COL5A1: variants seen among roughly 807,000 people sequenced by gnomAD.
The protein encoded by COL5A1 is collagen type V alpha 1 chain.
In COL5A1, 16 loss-of-function variants were observed where a neutral mutation model predicts 263.7. The ratio of observed to expected loss-of-function variants is 0.06; its 90% CI spans 0.04 to 0.09. The LOEUF is 0.09. Among genes scored for constraint, COL5A1 ranks in the 10% least tolerant of loss-of-function variants. COL5A1 has a pLI of 1.00. For missense variants in COL5A1, 2,036 were observed against 2,540.5 expected (o/e 0.80, Z 4.27); for synonymous variants, 1,012 against 1,004.5 (o/e 1.01, Z -0.14).
chr9:134,679,330 A>G (rs1314708523), intron 1 of COL5A1, among the ~76,000 whole-genome samples: 18 of 52,388 alleles, frequency 3.4e-4, no homozygotes, highest in East Asian at 5.7e-4. Flanking sequence ...GGGGCACTGC[A>G]GGGCTTATTA....
intron 9 of COL5A1, among the ~76,000 whole-genome samples, chr9:134,736,753 C>G (rs1020210922): frequency 6.6e-6 from 1 of 152,228 alleles, no homozygotes; most frequent in Non-Finnish European, 1.5e-5. Context: ...AAATCCCTGT[C>G]CAGCTGTGAG....
intron 9 of COL5A1, chr9:134,732,767 A>G (rs1834945510): frequency 6.2e-6 from 1 of 161,312 alleles, no homozygotes; most frequent in South Asian, 1.7e-4. Context: ...GACTGTAGCG[A>G]GGACGTTCTA....
rs1314643177 is a variant in COL5A1, at chr9:134,789,357, C to T, written c.2700+149C>T. 6 of 706,128 alleles carry T rather than the reference C, an allele frequency of 8.5e-6. No individual in the cohort carries two copies. The East Asian group carries it at 1.3e-4, about 16-fold the overall frequency. The allele number at this position is 706,128 out of a possible 1,614,324, so 43.7% of individuals were successfully genotyped here. A position where few individuals can be genotyped will look rare whatever the true frequency, so the allele number is the denominator to read the frequency against. The stretch of plus-strand genomic sequence containing the variant: ...TGGCTGGCCTTAAGCTCTTGAACTT[C>T]AGCACCACGTGTTGGTGACACTCTC... On this transcript the variant is annotated intron_variant, in intron 32 of 65. Transcript: ENST00000371817. The surrounding 1 kb of genome is among the most constrained non-coding windows in gnomAD (Gnocchi z 4.8).
chr9:134,780,352 C>T (rs1270490340), intron 28 of COL5A1, among the ~76,000 whole-genome samples: 3 of 152,162 alleles, frequency 2.0e-5, no homozygotes, highest in African/African-American at 7.2e-5. Context: ...CCTCGGGTCC[C>T]CAGGGGCACA....
In COL5A1 at chr9:134,696,793, G is replaced by A. The variant is rs995598006; in HGVS notation, c.278-3116G>A. ...GAAGTAAAAGTGAAAAGCTCTGGCC[G>A]GGCGGGGTGGCTCACACCTGTAATC... On this transcript the variant is annotated intron_variant, in intron 2 of 65. Coordinates refer to ENST00000371817, the MANE Select transcript of COL5A1 (RefSeq NM_000093.5). This position sits in a 1 kb window ranked among gnomAD's most constrained non-coding sequence, Gnocchi z 4.3. Among the ~76,000 whole-genome samples, 2 of 152,166 alleles carry A rather than the reference G, an allele frequency of 1.3e-5. No homozygotes were observed. The highest frequency in any genetic ancestry group is 2.4e-5 in the African/African-American group (1 of 41,426).
At chr9:134,728,965 G>A (rs1834760278) in intron 6 of COL5A1, among the ~76,000 whole-genome samples, 158 bp downstream of exon 6, 2 of 152,182 alleles carry the variant, frequency 1.3e-5, no homozygotes, top group African/African-American at 4.8e-5. Flanking sequence ...GTTGCCATCC[G>A]AGCTTTGCTG....
intron 65 of COL5A1, among the ~76,000 whole-genome samples, chr9:134,840,474 G>A (rs1008366806): frequency 3.3e-5 from 5 of 152,142 alleles, no homozygotes; most frequent in Non-Finnish European, 5.9e-5. Context: ...AAAGCGTATC[G>A]GTTATCCATT....
At position 134,742,930 on chromosome 9, in the gene COL5A1, C is replaced by T. The variant is rs1013934541; in HGVS notation, c.1494+4122C>T. Among the ~76,000 whole-genome samples the T allele has an allele frequency of 6.6e-6, 1 of 152,072 alleles. No homozygotes were observed. The highest frequency in any genetic ancestry group is 1.5e-5 in the Non-Finnish European group (1 of 67,966). ...TGGGGACCATCAGTAAAGATTCAGG[C>T]CCCAGTGAGTCCCGCCTTCCATGGA... is the stretch of plus-strand genomic sequence containing the variant. On this transcript the variant is annotated intron_variant, in intron 11 of 65. Coordinates refer to ENST00000371817, the MANE Select transcript of COL5A1 (RefSeq NM_000093.5). This position sits in a 1 kb window ranked among gnomAD's most constrained non-coding sequence, Gnocchi z 4.6.
At chr9:134,708,422 GGT>G in intron 4 of COL5A1, 1 of 408,462 alleles carries the variant, frequency 2.4e-6, no homozygotes, top group Non-Finnish European at 4.8e-6. Flanking sequence ...CAACTCCCGG[GGT>G]GGGGGCTCTG....
At chr9:134,684,855 C>T (rs1350537752) in intron 1 of COL5A1, among the ~76,000 whole-genome samples, 1 of 152,228 alleles carries the variant, frequency 6.6e-6, no homozygotes, top group Non-Finnish European at 1.5e-5. Context: ...TTCACTTGCT[C>T]ATCTGTTCAC....
rs578207933 is a variant in COL5A1 at position 134,844,393 on chromosome 9, C to G, written c.*2090C>G. The G allele has an allele frequency of 6.6e-6, 1 of 152,622 alleles. No individual in the cohort carries two copies. Among genetic ancestry groups the G allele is most frequent in the Non-Finnish European group, 1.5e-5 (1 of 68,052 alleles). 9.5% of individuals were successfully genotyped at this position (152,622 alleles called of 1,614,324 possible). ...ATGTGATTCTGTTTTCATTTCTCATCCCATCCAATTTGTCCTTTTCTCCTG... is the reference window on the plus strand; with the variant it reads ...ATGTGATTCTGTTTTCATTTCTCATGCCATCCAATTTGTCCTTTTCTCCTG... On this transcript the variant is annotated 3_prime_UTR_variant, in exon 66 of 66. Coordinates refer to ENST00000371817, the MANE Select transcript of COL5A1 (RefSeq NM_000093.5).
chr9:134,776,081 C>G (rs990109852), intron 27 of COL5A1, among the ~76,000 whole-genome samples: 1 of 152,146 alleles, frequency 6.6e-6, no homozygotes, highest in African/African-American at 2.4e-5. Context: ...CCTTGTCCCC[C>G]GGAGGCCCCG....
intron 4 of COL5A1, among the ~76,000 whole-genome samples, chr9:134,726,475 T>C (rs1350734127): frequency 6.6e-6 from 1 of 151,788 alleles, no homozygotes; most frequent in South Asian, 2.1e-4. Flanking sequence ...GATGGGTGAA[T>C]GGGTTGAAGG....
intron 42 of COL5A1, among the ~76,000 whole-genome samples, chr9:134,808,362 TAAG>T (rs1219852470): frequency 6.6e-6 from 1 of 152,048 alleles, no homozygotes; most frequent in Non-Finnish European, 1.5e-5. Flanking sequence ...AGCAAGAACT[TAAG>T]AAGGATCATT....
chr9:134,802,919 A>G lies in COL5A1; in HGVS notation c.3038A>G (p.Glu1013Gly), dbSNP rs1201902790. Residue 1013 changes from glutamate to glycine, a missense_variant, in exon 39 of 66, where the codon GAG (glutamate) becomes GGG (glycine). Physicochemically the swap from Glu to Gly is moderately conservative, Grantham distance 98 (BLOSUM62 -2). Transcript: ENST00000371817. ...GPTGETGPMG[E>G]RGHPGPPGPP... ...ACGGGAGAAACGGGCCCAATGGGTGAGCGTGGCCACCCTGGGCCCCCTGGA... is the reference window on the plus strand; with the variant it reads ...ACGGGAGAAACGGGCCCAATGGGTGGGCGTGGCCACCCTGGGCCCCCTGGA... 1 of 1,612,258 alleles carries G rather than the reference A, an allele frequency of 6.2e-7. No homozygotes were observed. Among genetic ancestry groups the G allele is most frequent in the Admixed American group, 1.7e-5 (1 of 59,912 alleles).
chr9:134,733,870 G>A (rs1389334106), intron 9 of COL5A1, among the ~76,000 whole-genome samples: 2 of 152,252 alleles, frequency 1.3e-5, no homozygotes, highest in African/African-American at 4.8e-5. Flanking sequence ...AGGTAGACTT[G>A]AGGTTGGCCT....
At chr9:134,826,145 A>G (rs1839254236) in intron 63 of COL5A1, among the ~76,000 whole-genome samples, 1 of 152,216 alleles carries the variant, frequency 6.6e-6, no homozygotes, top group South Asian at 2.1e-4. Context: ...TCCACCTGGC[A>G]TCCTGCCGTC....
intron 38 of COL5A1, among the ~76,000 whole-genome samples, chr9:134,802,601 C>G (rs1296246198): frequency 6.6e-6 from 1 of 152,224 alleles, no homozygotes; most frequent in African/African-American, 2.4e-5. Flanking sequence ...CAGCCTCCCT[C>G]AGGGCACATC....
intron 42 of COL5A1, 175 bp from the exon 43 acceptor site, chr9:134,809,008 C>G: frequency 1.5e-6 from 1 of 670,832 alleles, no homozygotes; most frequent in Non-Finnish European, 2.7e-6. Context: ...GGTCCAGGGG[C>G]GGGCTCAGAG....
Sources: gnomAD v4.1 joint callset for allele counts (sites outside exome capture counted in the v4.1 genomes callset) on GRCh38, gnomAD v4.1.1 for gene constraint, Gnocchi (gnomAD v3.1) non-coding constraint, MANE v1.5 for transcripts, NCBI Gene and HGNC (gene_info 2026-07-23, HGNC 2026-07-21) for gene names.